PRPF8: variants seen among roughly 807,000 people sequenced by gnomAD.
PRPF8 encodes pre-mRNA-processing-splicing factor 8.
A neutral mutation model predicts 285.9 loss-of-function variants in PRPF8; 64 were observed. That is an observed-to-expected ratio of 0.22 (90% CI 0.18 to 0.28). The LOEUF is 0.28. Among genes scored for constraint, PRPF8 ranks in the 10% least tolerant of loss-of-function variants. The pLI is 1.00. For synonymous variants in PRPF8, 1,325 were observed against 1,118.2 expected (o/e 1.18, Z -3.69); for missense variants, 1,426 against 3,026.7 (o/e 0.47, Z 12.41).
intron 37 of PRPF8, chr17:1,654,549 G>A (rs1911251497): frequency 4.4e-6 from 1 of 226,372 alleles, no homozygotes; most frequent in South Asian, 6.9e-5. Context: ...CCAAGAGTCA[G>A]ACTGAAGCCC....
Position 1,658,721 on chromosome 17 carries a change from T to C in PRPF8, c.5181A>G (p.Gln1727=), listed in dbSNP as rs766225158. The change falls in exon 33 of 43, where the codon CAA becomes CAG. Residue 1727 remains glutamine (Q), a synonymous_variant. Transcript: ENST00000304992. This position sits in a 1 kb window ranked among gnomAD's most constrained non-coding sequence, Gnocchi z 4.1. ...NWFPGSKPLI[Q]QAMAKIMKAN... is the part of the protein sequence containing the mutation. ...CCTTCATGATCTTGGCCATGGCCTG[T>C]TGTATGAGAGGCTTGCTGCCTGGGA... The C allele has an allele frequency of 5.6e-6, 9 of 1,614,124 alleles. No homozygotes were observed. The highest frequency in any genetic ancestry group is 4.5e-5 in the East Asian group (2 of 44,898).
Position 1,680,833 on chromosome 17 carries a change from TA to T in PRPF8, c.993-3del. On this transcript the variant is annotated splice_region_variant and splice_polypyrimidine_tract_variant and intron_variant, in intron 7 of 42. Coordinates refer to ENST00000304992, the MANE Select transcript of PRPF8 (RefSeq NM_006445.4). ...AATACAACATTGGGAGTATGGTACC[TA>T]AAATGAAAGGAAGAGTCAGCCAAAG... 1 of 1,614,030 alleles carries T rather than the reference TA, an allele frequency of 6.2e-7. No individual in the cohort carries two copies. The highest frequency in any genetic ancestry group is 1.3e-5 in the African/African-American group (1 of 75,006).
chr17:1,667,794 G>A (rs537317422), intron 24 of PRPF8, among the ~76,000 whole-genome samples: 3 of 152,100 alleles, frequency 2.0e-5, no homozygotes, highest in South Asian at 2.1e-4. Flanking sequence ...CACCTACCTC[G>A]GCCTCCCAAA....
At position 1,661,669 on chromosome 17, in the gene PRPF8, A is replaced by T; in HGVS notation, c.4144T>A (p.Ser1382Thr). Residue 1382 changes from serine to threonine, a missense_variant, in exon 26 of 43, where the codon TCT becomes ACT. By Grantham distance (58) the Ser-to-Thr change is moderately conservative. This residue lies in a region of PRPF8 where 40 missense variants were observed against 121.6 expected (regional missense o/e 0.33). Coordinates refer to ENST00000304992, the MANE Select transcript of PRPF8 (RefSeq NM_006445.4). The surrounding 1 kb of genome is among the most constrained non-coding windows in gnomAD (Gnocchi z 7.3). ...GCGTACTCAGCCCAGACCCGCTGAG[A>T]ATCAATGAACTCGCTCTCCCATGGC... ...IQPWESEFIDSQRVWAEYALK... is the reference protein window; with the variant it reads ...IQPWESEFIDTQRVWAEYALK... The T allele has an allele frequency of 6.2e-7, 1 of 1,614,066 alleles. No individual in the cohort carries two copies. The highest frequency in any genetic ancestry group is 8.5e-7 in the Non-Finnish European group (1 of 1,180,006).
At chr17:1,665,159 CA>C (rs562789942) in intron 24 of PRPF8, among the ~76,000 whole-genome samples, 1,537 of 53,484 alleles carry the variant, frequency 0.029, 11 homozygotes, top group African/African-American at 0.036. Context: ...GACTCTGCCT[CA>C]AAAAAAAAAA....
intron 37 of PRPF8, 90 bp downstream of exon 37, chr17:1,655,260 C>A: frequency 6.7e-7 from 1 of 1,489,714 alleles, no homozygotes; most frequent in Non-Finnish European, 9.2e-7. Flanking sequence ...GCCTGGCCTT[C>A]TTGAGAAACT....
chr17:1,677,241 A>G, intron 14 of PRPF8, 69 bp from the exon 15 acceptor site: 1 of 1,419,838 alleles, frequency 7.0e-7, no homozygotes, highest in Non-Finnish European at 9.9e-7. Context: ...CTCTACCTTC[A>G]TGCTCCTCAC....
intron 36 of PRPF8, 47 bp downstream of exon 36, chr17:1,656,345 C>A: frequency 6.2e-7 from 1 of 1,612,648 alleles, no homozygotes; most frequent in Non-Finnish European, 8.5e-7. Context: ...TCTCCTAACC[C>A]TAAACCCGCT....
chr17:1,667,820 G>A (rs1234016465), intron 24 of PRPF8, among the ~76,000 whole-genome samples: 1 of 152,164 alleles, frequency 6.6e-6, no homozygotes, highest in Admixed American at 6.5e-5. Context: ...GGGATTACAG[G>A]CGTGAGCCAC....
Position 1,674,428 on chromosome 17 carries a change from A to T in PRPF8, c.3299+14T>A. 2 of 1,612,370 alleles carry T rather than the reference A, an allele frequency of 1.2e-6. No individual in the cohort carries two copies. The highest frequency in any genetic ancestry group is 1.7e-6 in the Non-Finnish European group (2 of 1,178,440). On this transcript the variant is annotated intron_variant, in intron 21 of 42. Transcript: ENST00000304992. ...CAGTACCCTGCAAGGCTAGGAATCC[A>T]GGAAAGCCCTCACCTGAAAAAAATA... is the stretch of plus-strand genomic sequence containing the variant.
chr17:1,680,576 T>C, intron 8 of PRPF8, 150 bp downstream of exon 8: 1 of 758,954 alleles, frequency 1.3e-6, no homozygotes, highest in Non-Finnish European at 2.3e-6. Flanking sequence ...TTAAAGCAAA[T>C]GCTGAATTCT....
chr17:1,656,415 G>A lies in PRPF8; in HGVS notation c.5770C>T (p.Leu1924Phe). ...ACCGTGTAAGATGAAATAGTCTTGAGCCAGTCGTCATAGAGGTTGAAGAGA... is the reference window on the plus strand; with the variant it reads ...ACCGTGTAAGATGAAATAGTCTTGAACCAGTCGTCATAGAGGTTGAAGAGA... Reference protein sequence around the residue: ...MVLFNLYDDWLKTISSYTAFS... With the variant: ...MVLFNLYDDWFKTISSYTAFS... Residue 1924 changes from leucine (L) to phenylalanine (F), a missense_variant, in exon 36 of 43, where the codon CTC (leucine) becomes TTC (phenylalanine). Leu to Phe is a conservative substitution (Grantham distance 22). Transcript: ENST00000304992. 1 of 1,614,200 alleles carries A rather than the reference G, an allele frequency of 6.2e-7. No homozygotes were observed. Among genetic ancestry groups the A allele is most frequent in the Non-Finnish European group, 8.5e-7 (1 of 1,180,042 alleles).
At chr17:1,683,409 C>G in intron 3 of PRPF8, 124 bp downstream of exon 3, 2 of 1,085,456 alleles carry the variant, frequency 1.8e-6, no homozygotes, top group South Asian at 2.6e-5. Context: ...GAGACTCCTA[C>G]TGGTTTTCTC....
At position 1,684,857 on chromosome 17, in the gene PRPF8, C is replaced by A. The variant is rs918031149; in HGVS notation, c.-89G>T. 3 of 596,170 alleles carry A rather than the reference C, an allele frequency of 5.0e-6. No homozygotes were observed. The highest frequency in any genetic ancestry group is 4.4e-4 in the Middle Eastern group (1 of 2,254). The allele number at this position is 596,170 out of a possible 1,614,324, so 36.9% of individuals were successfully genotyped here. On this transcript the variant is annotated 5_prime_UTR_variant, in exon 1 of 43. Coordinates refer to ENST00000304992, the MANE Select transcript of PRPF8 (RefSeq NM_006445.4). Reference sequence around the variant, plus strand: ...GACTGCGTCCGCTCCGCGTTCCCAGCGCCGGGAAGTGCGCAACCCGAGTTC... The same window carrying A: ...GACTGCGTCCGCTCCGCGTTCCCAGAGCCGGGAAGTGCGCAACCCGAGTTC...
chr17:1,673,004 G>C lies in PRPF8; in HGVS notation c.3774+77C>G. 7.5e-7 allele frequency: 1 copy of C among 1,333,956 alleles called. No individual in the cohort carries two copies. The highest frequency in any genetic ancestry group is 1.1e-6 in the Non-Finnish European group (1 of 924,720). The allele number at this position is 1,333,956 out of a possible 1,614,324, so 82.6% of individuals were successfully genotyped here. ...AGAAGAGAAGGAAGCAGCCAGCAGG[G>C]GACGAAGTGAAAGGGGTGTGAAATG... On this transcript the variant is annotated intron_variant, in intron 24 of 42. Transcript: ENST00000304992. This position sits in a 1 kb window ranked among gnomAD's most constrained non-coding sequence, Gnocchi z 5.5.
At chr17:1,652,172 G>A in intron 39 of PRPF8, 1 of 360,024 alleles carries the variant, frequency 2.8e-6, no homozygotes, top group Non-Finnish European at 5.4e-6. Flanking sequence ...AAAGAAAGAG[G>A]ATCTGTTTAC....
intron 14 of PRPF8, 106 bp from the exon 15 acceptor site, chr17:1,677,278 T>C: frequency 1.6e-6 from 2 of 1,225,842 alleles, no homozygotes; most frequent in South Asian, 2.4e-5. Context: ...TAAAATTAGG[T>C]ATTAACAAAG....
chr17:1,660,624 G>C, intron 29 of PRPF8, 46 bp from the exon 30 acceptor site: 1 of 1,614,136 alleles, frequency 6.2e-7, no homozygotes, highest in Non-Finnish European at 8.5e-7. Flanking sequence ...AGAGACTCGG[G>C]CGCTCACGAC....
chr17:1,679,691 C>A lies in PRPF8; in HGVS notation c.1207G>T (p.Ala403Ser). Residue 403 changes from alanine to serine, a missense_variant, in exon 9 of 43, where the codon GCC becomes TCC. Around this residue, in one of 34 missense-constraint regions of PRPF8, gnomAD observed 137 missense variants for 161.2 expected, o/e 0.85. Coordinates refer to ENST00000304992, the MANE Select transcript of PRPF8 (RefSeq NM_006445.4). This position sits in a 1 kb window ranked among gnomAD's most constrained non-coding sequence, Gnocchi z 4.7. ...AAGGGCCGCGGGGCCCAGAGCAGGG[C>A]AATGCCATTGGCTGTATTGTCTGTA... ...LYTDNTANGIALLWAPRPFNL... is the reference protein window; with the variant it reads ...LYTDNTANGISLLWAPRPFNL... The A allele has an allele frequency of 6.2e-7, 1 of 1,614,152 alleles. No individual in the cohort carries two copies. The highest frequency in any genetic ancestry group is 8.5e-7 in the Non-Finnish European group (1 of 1,180,032).
Sources: allele counts gnomAD v4.1 joint callset (sites outside exome capture counted in the v4.1 genomes callset), GRCh38; gene constraint gnomAD v4.1.1; regional missense constraint gnomAD v4.1.1; non-coding constraint Gnocchi (gnomAD v3.1); transcripts MANE v1.5; gene names NCBI Gene and HGNC (gene_info 2026-07-23, HGNC 2026-07-21).